Variants in FBN2 observed in about 807,000 individuals in gnomAD.
FBN2 encodes the protein fibrillin-2.
Under a neutral mutation model 355.6 loss-of-function variants are expected in FBN2, and 105 were observed. That is an observed-to-expected ratio of 0.30 (90% CI 0.25 to 0.35). The LOEUF is 0.35. Ranked by LOEUF, FBN2 falls within the 10% of genes least tolerant of loss-of-function variation. FBN2 has a pLI of 1.00. For missense variants in FBN2, 3,280 were observed against 3,758.7 expected (o/e 0.87, Z 3.33); for synonymous variants, 1,350 against 1,301.2 (o/e 1.04, Z -0.81).
Position 128,338,004 on chromosome 5 carries a change from G to A in FBN2, c.3591C>T (p.Asp1197=), listed in dbSNP as rs1348405813. The A allele has an allele frequency of 1.2e-6, 2 of 1,614,154 alleles. No homozygotes were observed. Among genetic ancestry groups the A allele is most frequent in the Admixed American group, 1.7e-5 (1 of 60,026 alleles). ...CTGAGGAGATAAACTCACCCACACAGTCCTCACGGGATGGTGACAGCTCGT... is the reference window on the plus strand; with the variant it reads ...CTGAGGAGATAAACTCACCCACACAATCCTCACGGGATGGTGACAGCTCGT... ...LGHELSPSRE[D]CVDINECSLS... is the part of the protein sequence containing the mutation. Residue 1197 remains aspartate, a synonymous_variant, in exon 27 of 65, where the codon GAC becomes GAT. Coordinates refer to ENST00000262464, the MANE Select transcript of FBN2 (RefSeq NM_001999.4).
chr5:128,373,001 T>C (rs1196586825), intron 15 of FBN2, among the ~76,000 whole-genome samples: 1 of 152,200 alleles, frequency 6.6e-6, no homozygotes, highest in Non-Finnish European at 1.5e-5. Flanking sequence ...ACATCTAGCA[T>C]GTTATAGAAA....
At chr5:128,360,579 C>T (rs1176771771) in intron 19 of FBN2, among the ~76,000 whole-genome samples, 1 of 151,328 alleles carries the variant, frequency 6.6e-6, no homozygotes, top group Non-Finnish European at 1.5e-5. Context: ...TTTCTTTAGG[C>T]TAATTACTGT....
At chr5:128,402,229 C>T (rs904691234) in intron 8 of FBN2, among the ~76,000 whole-genome samples, 6 of 151,964 alleles carry the variant, frequency 3.9e-5, no homozygotes, top group African/African-American at 1.4e-4. Flanking sequence ...CACACTATTC[C>T]TTGAAACAGG....
chr5:128,349,530 G>T lies in FBN2; in HGVS notation c.2864-58C>A, dbSNP rs545860540. ...GATGTTACAAATAGAAAAAGCAGGT[G>T]TGGTCCTACTTCCTGTATAGCATTT... On this transcript the variant is annotated intron_variant, in intron 22 of 64. Coordinates refer to ENST00000262464, the MANE Select transcript of FBN2 (RefSeq NM_001999.4). 1.9e-6 allele frequency: 3 copies of T among 1,584,742 alleles called. No homozygotes were observed. In the Admixed American group the frequency reaches 5.2e-5, roughly 28 times the overall value.
chr5:128,470,559 G>A (rs1248291070), intron 5 of FBN2, among the ~76,000 whole-genome samples: 1 of 151,980 alleles, frequency 6.6e-6, no homozygotes, highest in Non-Finnish European at 1.5e-5. Flanking sequence ...AGATGTGGGG[G>A]AAAAAAACAG....
intron 4 of FBN2, among the ~76,000 whole-genome samples, chr5:128,525,072 C>T (rs1581370908): frequency 6.6e-6 from 1 of 152,120 alleles, no homozygotes; most frequent in Admixed American, 6.5e-5. Flanking sequence ...CTGTACAACC[C>T]TCATACATAC....
intron 6 of FBN2, among the ~76,000 whole-genome samples, chr5:128,452,271 A>G (rs11241959): frequency 0.56 from 84,927 of 152,020 alleles, 26,423 homozygotes; most frequent in African/African-American, 0.84. Context: ...TCATTCCTTC[A>G]ATTCAGGCAA....
Position 128,537,638 on chromosome 5 carries a change from G to C in FBN2, c.-35C>G. The C allele has an allele frequency of 6.3e-7, 1 of 1,592,856 alleles. No homozygotes were observed. The highest frequency in any genetic ancestry group is 8.6e-7 in the Non-Finnish European group (1 of 1,168,822). ...CGAAAGCGCGCGGCCGTAGACCCGCGGAGAGGGAGTGATCAAAGACAAAAT... is the reference window on the plus strand; with the variant it reads ...CGAAAGCGCGCGGCCGTAGACCCGCCGAGAGGGAGTGATCAAAGACAAAAT... On this transcript the variant is annotated 5_prime_UTR_variant, in exon 1 of 65. Transcript: ENST00000262464.
In FBN2 at chr5:128,537,342, C is replaced by T; in HGVS notation, c.254+8G>A. On this transcript the variant is annotated splice_region_variant and intron_variant, in intron 1 of 64. Coordinates refer to ENST00000262464, the MANE Select transcript of FBN2 (RefSeq NM_001999.4). ...GAGCCCTAGGTGCGGAGCCGCTTGC[C>T]CACTTACCCTCGGAGCACGTCCTGC... The T allele has an allele frequency of 1.9e-6, 3 of 1,609,962 alleles. No individual in the cohort carries two copies. Among genetic ancestry groups the T allele is most frequent in the Non-Finnish European group, 2.5e-6 (3 of 1,179,786 alleles).
chr5:128,501,252 A>C (rs2127140154), intron 5 of FBN2, among the ~76,000 whole-genome samples: 1 of 152,336 alleles, frequency 6.6e-6, no homozygotes, highest in African/African-American at 2.4e-5. Context: ...AAATATGTGA[A>C]GAATAACCTG....
At chr5:128,302,582 C>G (rs1304410095) in intron 46 of FBN2, among the ~76,000 whole-genome samples, 2 of 152,166 alleles carry the variant, frequency 1.3e-5, no homozygotes, top group Non-Finnish European at 2.9e-5. Context: ...GCTACTGGTA[C>G]TTGAATGTAA....
At chr5:128,311,148 A>C (rs938708676) in intron 39 of FBN2, 152 bp downstream of exon 39, 4 of 720,320 alleles carry the variant, frequency 5.6e-6, no homozygotes, top group Non-Finnish European at 9.5e-6. Context: ...ATCATCATAC[A>C]ACTTAGCTAC....
chr5:128,442,342 C>A, intron 7 of FBN2: 1 of 456,644 alleles, frequency 2.2e-6, no homozygotes, highest in South Asian at 1.5e-5. Flanking sequence ...GCAAGGACAT[C>A]TGGCTCCTGC....
chr5:128,393,786 T>G (rs868217001), intron 9 of FBN2, among the ~76,000 whole-genome samples: 88 of 152,144 alleles, frequency 5.8e-4, no homozygotes, highest in African/African-American at 1.9e-3. Flanking sequence ...TTCCTGTCCA[T>G]TTTTTTTCAG....
chr5:128,461,622 C>A (rs1443280970), intron 6 of FBN2, among the ~76,000 whole-genome samples: 1 of 152,076 alleles, frequency 6.6e-6, no homozygotes, highest in Non-Finnish European at 1.5e-5. Flanking sequence ...AATGATAAGA[C>A]TGGATAAAGA....
At chr5:128,474,011 A>G (rs1240798573) in intron 5 of FBN2, among the ~76,000 whole-genome samples, 1 of 152,216 alleles carries the variant, frequency 6.6e-6, no homozygotes, top group Non-Finnish European at 1.5e-5. Flanking sequence ...ATCAAAGGGC[A>G]TTTTAAGAAT....
Position 128,350,002 on chromosome 5 carries a change from G to GT in FBN2, c.2815dup (p.Thr939AsnfsTer11), listed in dbSNP as rs778438147. ...CCTGGCAAGCCCTCTTGGGCAAGCT[G>GT]TATCTGTAACAACAACAGGACAAAT... On this transcript the variant is annotated frameshift_variant, in exon 22 of 65. Transcript: ENST00000262464. LOFTEE classifies it high-confidence loss of function. 6.2e-7 allele frequency: 1 copy of GT among 1,613,412 alleles called. No homozygotes were observed. Among genetic ancestry groups the GT allele is most frequent in the African/African-American group, 1.3e-5 (1 of 75,024 alleles).
At chr5:128,426,690 G>A (rs572459479) in intron 7 of FBN2, among the ~76,000 whole-genome samples, 59 of 152,300 alleles carry the variant, frequency 3.9e-4, no homozygotes, top group African/African-American at 1.4e-3. Flanking sequence ...CCCAGGCTCA[G>A]AAGCCCTCAG....
chr5:128,273,662 G>A (rs1765317671), intron 61 of FBN2, among the ~76,000 whole-genome samples, 178 bp downstream of exon 61: 1 of 152,104 alleles, frequency 6.6e-6, no homozygotes, highest in African/African-American at 2.4e-5. Flanking sequence ...CTGCATTTAG[G>A]TTTCCCTCTG....
Sources: allele counts gnomAD v4.1 joint callset (sites outside exome capture counted in the v4.1 genomes callset), GRCh38; gene constraint gnomAD v4.1.1; transcripts MANE v1.5; gene names NCBI Gene and HGNC (gene_info 2026-07-23, HGNC 2026-07-21).